Variants in PSTPIP2 observed in about 807,000 individuals in gnomAD.
The protein encoded by PSTPIP2 is proline-serine-threonine phosphatase-interacting protein 2.
A neutral mutation model predicts 63.3 loss-of-function variants in PSTPIP2; 33 were observed. The observed-to-expected ratio is 0.52, with a 90% CI of 0.40 to 0.70. PSTPIP2 has a LOEUF of 0.70. Ranked by LOEUF, PSTPIP2 falls within the 30% of genes least tolerant of loss-of-function variation. PSTPIP2 has a pLI of 0.00. For synonymous variants in PSTPIP2, 125 were observed against 132.7 expected (o/e 0.94, Z 0.40); for missense variants, 312 against 400.7 (o/e 0.78, Z 1.89).
At chr18:46,008,894 A>G (rs757503393) in intron 5 of PSTPIP2, among the ~76,000 whole-genome samples, 1 of 152,088 alleles carries the variant, frequency 6.6e-6, no homozygotes, top group Non-Finnish European at 1.5e-5. Context: ...CCCTGGGGTG[A>G]GTATCTCACT....
At chr18:46,009,122 T>C (rs570069125) in intron 5 of PSTPIP2, among the ~76,000 whole-genome samples, 1 of 152,196 alleles carries the variant, frequency 6.6e-6, no homozygotes, top group South Asian at 2.1e-4. Context: ...AGGATGACCA[T>C]GTACGTCTTG....
intron 3 of PSTPIP2, among the ~76,000 whole-genome samples, chr18:46,021,368 T>A (rs1181107615): frequency 6.6e-6 from 1 of 151,760 alleles, no homozygotes; most frequent in Non-Finnish European, 1.5e-5. Context: ...TATTTAGAAG[T>A]TTTATTGTTA....
At chr18:46,027,607 T>C (rs986345005) in intron 2 of PSTPIP2, among the ~76,000 whole-genome samples, 5 of 151,966 alleles carry the variant, frequency 3.3e-5, no homozygotes, top group Non-Finnish European at 7.4e-5. Context: ...GGAGGATCAC[T>C]TGAGCCTGGG....
At chr18:46,023,887 C>T (rs866736641) in intron 3 of PSTPIP2, among the ~76,000 whole-genome samples, 1 of 151,498 alleles carries the variant, frequency 6.6e-6, no homozygotes, top group Non-Finnish European at 1.5e-5. Flanking sequence ...GGAAGCTCTA[C>T]TATTAAATTT....
chr18:46,009,823 GA>G (rs921568262), intron 5 of PSTPIP2, among the ~76,000 whole-genome samples: 1 of 152,194 alleles, frequency 6.6e-6, no homozygotes, highest in African/African-American at 2.4e-5. Context: ...AATTCCCCTA[GA>G]GGGGTGAGCA....
chr18:46,010,892 C>T, intron 5 of PSTPIP2: 1 of 325,014 alleles, frequency 3.1e-6, no homozygotes, highest in East Asian at 5.6e-5. Flanking sequence ...CTATTGAATT[C>T]AGAGGGTTCC....
intron 1 of PSTPIP2, among the ~76,000 whole-genome samples, chr18:46,043,930 A>C (rs1355180394): frequency 6.6e-6 from 1 of 151,896 alleles, no homozygotes; most frequent in Non-Finnish European, 1.5e-5. Flanking sequence ...ATAACACAAG[A>C]AGTTTTGCAA....
chr18:46,055,267 C>T (rs1358781041), intron 1 of PSTPIP2, among the ~76,000 whole-genome samples: 1 of 152,192 alleles, frequency 6.6e-6, no homozygotes. Flanking sequence ...CTCCAATCAC[C>T]TAATGTGGTA....
At chr18:46,029,652 T>C (rs1235129179) in intron 2 of PSTPIP2, 4 of 738,494 alleles carry the variant, frequency 5.4e-6, no homozygotes, top group Non-Finnish European at 1.0e-5. Flanking sequence ...TCAATCCTAC[T>C]ACAGAAATAT....
At chr18:46,039,563 C>T (rs901774931) in intron 2 of PSTPIP2, among the ~76,000 whole-genome samples, 4 of 152,138 alleles carry the variant, frequency 2.6e-5, no homozygotes, top group African/African-American at 9.7e-5. Context: ...TATTTTATTT[C>T]CTTCTTTCTT....
At chr18:46,048,223 G>A (rs1908451998) in intron 1 of PSTPIP2, among the ~76,000 whole-genome samples, 1 of 152,184 alleles carries the variant, frequency 6.6e-6, no homozygotes, top group Non-Finnish European at 1.5e-5. Context: ...ATGCTACACA[G>A]GTGGCTTGAA....
intron 2 of PSTPIP2, among the ~76,000 whole-genome samples, chr18:46,031,337 T>A (rs918627899): frequency 2.6e-5 from 4 of 152,198 alleles, no homozygotes; most frequent in Non-Finnish European, 4.4e-5. Context: ...CCTATCTGCT[T>A]GCTCTGAGAC....
intron 3 of PSTPIP2, among the ~76,000 whole-genome samples, chr18:46,023,570 GT>G (rs1324797285): frequency 6.7e-6 from 1 of 149,086 alleles, no homozygotes; most frequent in Non-Finnish European, 1.5e-5. Context: ...AAAAAGAAAA[GT>G]TTTTTTAAAA....
At chr18:46,006,790 A>T (rs768416216) in intron 5 of PSTPIP2, among the ~76,000 whole-genome samples, 1 of 152,242 alleles carries the variant, frequency 6.6e-6, no homozygotes, top group Non-Finnish European at 1.5e-5. Context: ...TTAATAATAA[A>T]GATGTACCTC....
chr18:46,070,409 G>A (rs1179829498), intron 1 of PSTPIP2, among the ~76,000 whole-genome samples: 2 of 152,234 alleles, frequency 1.3e-5, no homozygotes, highest in Admixed American at 6.5e-5. Flanking sequence ...GGGGCTGAGG[G>A]GTGGAGGCTG....
intron 4 of PSTPIP2, 83 bp from the exon 5 acceptor site, chr18:46,011,370 T>G: frequency 9.1e-7 from 1 of 1,098,888 alleles, no homozygotes; most frequent in Non-Finnish European, 1.3e-6. Context: ...TAAATATGTA[T>G]ATACAAAATA....
chr18:46,036,456 C>A (rs951128231), intron 2 of PSTPIP2, among the ~76,000 whole-genome samples: 2 of 152,024 alleles, frequency 1.3e-5, no homozygotes, highest in East Asian at 3.9e-4. Context: ...ATCTAGCAAG[C>A]CTTCAATAAA....
intron 10 of PSTPIP2, among the ~76,000 whole-genome samples, chr18:45,993,328 C>T (rs1283697847): frequency 3.3e-5 from 5 of 152,138 alleles, no homozygotes; most frequent in African/African-American, 7.2e-5. Flanking sequence ...CTCCTGACCT[C>T]GGGTGATCCA....
At chr18:45,993,977 C>T (rs1340238292) in intron 9 of PSTPIP2, 14 of 400,714 alleles carry the variant, frequency 3.5e-5, no homozygotes, top group Non-Finnish European at 2.8e-5. Context: ...TAACTGAGTT[C>T]CTACCGACAT....
Sources: allele counts gnomAD v4.1 joint callset (sites outside exome capture counted in the v4.1 genomes callset), GRCh38; gene constraint gnomAD v4.1.1; transcripts MANE v1.5; gene names NCBI Gene and HGNC (gene_info 2026-07-23, HGNC 2026-07-21).